GPLD1: variants seen among roughly 807,000 people sequenced by gnomAD.
The protein encoded by GPLD1 is glycosylphosphatidylinositol specific phospholipase D1.
A neutral mutation model predicts 112.6 loss-of-function variants in GPLD1; 84 were observed. That is an observed-to-expected ratio of 0.75 (90% CI 0.63 to 0.89). GPLD1 has a LOEUF of 0.89. Ranked by LOEUF, GPLD1 falls within the 40% of genes least tolerant of loss-of-function variation. The pLI, the probability that GPLD1 is intolerant of heterozygous loss-of-function variation, is 0.00. For missense variants in GPLD1, 1,044 were observed against 1,051.5 expected (o/e 0.99, Z 0.10); for synonymous variants, 386 against 403.8 (o/e 0.96, Z 0.53).
rs1438335145 is a variant in GPLD1, at chr6:24,431,767, T to A, written c.2436+1420A>T. ...CCAGGCTGGTCTTGAACTCCTGACCTCAGGCGATCCACCAACCTCGGCTTC... is the reference window on the plus strand; with the variant it reads ...CCAGGCTGGTCTTGAACTCCTGACCACAGGCGATCCACCAACCTCGGCTTC... On this transcript the variant is annotated intron_variant, in intron 24 of 24. Transcript: ENST00000230036. Among the ~76,000 whole-genome samples the A allele has an allele frequency of 5.3e-5, 8 of 151,598 alleles. No individual in the cohort carries two copies. In the East Asian group the frequency reaches 9.8e-4, roughly 19 times the overall value.
At chr6:24,441,736 G>A (rs934245811) in intron 20 of GPLD1, among the ~76,000 whole-genome samples, 5 of 152,182 alleles carry the variant, frequency 3.3e-5, no homozygotes, top group African/African-American at 7.2e-5. Context: ...ACTGCATTTC[G>A]AAAGGACCTA....
chr6:24,459,255 T>TTTG (rs1763358764), intron 12 of GPLD1, among the ~76,000 whole-genome samples: 1 of 152,054 alleles, frequency 6.6e-6, no homozygotes, highest in African/African-American at 2.4e-5. Context: ...TGCTATTTTT[T>TTTG]TTTTGTTTTG....
chr6:24,445,650 C>T lies in GPLD1; in HGVS notation c.1927-11G>A. ...CAGTTTCCCCATTGCCTGTGAGACA[C>T]AATAAATCAATATTGTATAGGTGAG... On this transcript the variant is annotated splice_polypyrimidine_tract_variant and intron_variant, in intron 19 of 24. Transcript: ENST00000230036. The T allele has an allele frequency of 6.2e-7, 1 of 1,609,238 alleles. No homozygotes were observed. Among genetic ancestry groups the T allele is most frequent in the South Asian group, 1.1e-5 (1 of 90,952 alleles).
chr6:24,466,830 G>C lies in GPLD1; in HGVS notation c.682-11C>G. On this transcript the variant is annotated splice_polypyrimidine_tract_variant and intron_variant, in intron 9 of 24. Coordinates refer to ENST00000230036, the MANE Select transcript of GPLD1 (RefSeq NM_001503.4). The stretch of plus-strand genomic sequence containing the variant: ...GTAAGTGGGATATAACTATGGCAGA[G>C]AGAAAGAAAAAATAAAATGAATATG... The C allele has an allele frequency of 6.3e-7, 1 of 1,592,014 alleles. No homozygotes were observed. The highest frequency in any genetic ancestry group is 8.6e-7 in the Non-Finnish European group (1 of 1,166,004).
chr6:24,462,819 A>T (rs750325829), intron 10 of GPLD1, 24 bp from the exon 11 acceptor site: 1 of 1,546,590 alleles, frequency 6.5e-7, no homozygotes, highest in Non-Finnish European at 8.9e-7. Context: ...CAAATGAGTT[A>T]GCCATTTATC....
chr6:24,429,175 A>G (rs1194484486), intron 24 of GPLD1, 57 bp from the exon 25 acceptor site: 39 of 1,068,680 alleles, frequency 3.6e-5, no homozygotes, highest in Non-Finnish European at 3.0e-5. Context: ...TTGAGTTCCT[A>G]TGGTAGTCCA....
intron 22 of GPLD1, chr6:24,433,686 G>A (rs1263788881): frequency 3.2e-5 from 9 of 283,136 alleles, no homozygotes; most frequent in South Asian, 2.1e-4. Context: ...GTAGAGAGGC[G>A]GTTTCACCAC....
At chr6:24,450,007 C>T (rs1763030916) in intron 14 of GPLD1, 108 bp from the exon 15 acceptor site, 5 of 680,220 alleles carry the variant, frequency 7.4e-6, no homozygotes, top group Non-Finnish European at 1.0e-5. Flanking sequence ...CCCCCCGCCA[C>T]CCAAAAGCCG....
At chr6:24,441,175 G>A (rs901272211) in intron 20 of GPLD1, among the ~76,000 whole-genome samples, 3 of 151,958 alleles carry the variant, frequency 2.0e-5, no homozygotes, top group Admixed American at 6.6e-5. Flanking sequence ...GCATGGTGGT[G>A]CGTGCCTGTA....
chr6:24,474,985 A>T, intron 5 of GPLD1, 136 bp downstream of exon 5: 1 of 545,168 alleles, frequency 1.8e-6, no homozygotes, highest in Non-Finnish European at 3.3e-6. Flanking sequence ...AAAAGATGGG[A>T]CTCTAACCAA....
chr6:24,445,966 C>A, intron 18 of GPLD1, 135 bp from the exon 19 acceptor site: 1 of 657,822 alleles, frequency 1.5e-6, no homozygotes, highest in South Asian at 1.7e-5. Flanking sequence ...GACCCCAGGC[C>A]TGGAAGTGTG....
chr6:24,465,080 A>G (rs1380512045), intron 10 of GPLD1, among the ~76,000 whole-genome samples: 2 of 151,710 alleles, frequency 1.3e-5, no homozygotes, highest in African/African-American at 2.4e-5. Flanking sequence ...ACCTGTAGTC[A>G]TAACTACTCG....
intron 24 of GPLD1, among the ~76,000 whole-genome samples, chr6:24,430,077 T>C (rs1762356369): frequency 6.6e-6 from 1 of 152,248 alleles, no homozygotes. Context: ...GGTTGTATCA[T>C]GGGTCAGACA....
At position 24,433,204 on chromosome 6, in the gene GPLD1, C is replaced by T. The variant is rs201071521; in HGVS notation, c.2419G>A (p.Val807Met). The T allele has an allele frequency of 1.9e-5, 31 of 1,611,204 alleles. No individual in the cohort carries two copies. The East Asian group carries it at 2.5e-4, about 13-fold the overall frequency. ...GGGCTCACCTTTGCCTTGGACCTCA[C>T]GGTGATGAGGGAGCTCCCAAACCTT... ...SSRFGSSLIT[V>M]RSKAKNQVVI... The change falls in exon 24 of 25, where the codon GTG becomes ATG. Residue 807 changes from valine to methionine, a missense_variant. Transcript: ENST00000230036.
intron 20 of GPLD1, among the ~76,000 whole-genome samples, chr6:24,440,540 A>G (rs958998696): frequency 6.8e-6 from 1 of 147,810 alleles, no homozygotes; most frequent in Non-Finnish European, 1.5e-5. Context: ...TGTCAAGAAG[A>G]TCTTTTATAT....
chr6:24,453,410 T>G (rs1581751445), intron 14 of GPLD1, among the ~76,000 whole-genome samples: 1 of 152,048 alleles, frequency 6.6e-6, no homozygotes, highest in South Asian at 2.1e-4. Context: ...CCAAGGTGGG[T>G]GGATCACCTA....
intron 20 of GPLD1, among the ~76,000 whole-genome samples, chr6:24,444,876 T>C (rs1485998991): frequency 6.6e-6 from 1 of 152,054 alleles, no homozygotes; most frequent in East Asian, 1.9e-4. Context: ...TAGGTCCTCA[T>C]AGTGGACCTA....
At chr6:24,432,638 A>G (rs902745187) in intron 24 of GPLD1, among the ~76,000 whole-genome samples, 8 of 152,188 alleles carry the variant, frequency 5.3e-5, no homozygotes, top group Non-Finnish European at 1.0e-4. Flanking sequence ...GAAAGTCTGG[A>G]AGAAAATAGC....
In GPLD1 at chr6:24,486,066, G is replaced by A. The variant is rs777232645; in HGVS notation, c.153+9C>T. The A allele has an allele frequency of 6.5e-7, 1 of 1,543,988 alleles. No homozygotes were observed. Among genetic ancestry groups the A allele is most frequent in the South Asian group, 1.2e-5 (1 of 86,734 alleles). ...GCACAAAGAAGAAAAGAAAAATCAA[G>A]ATTTCTACCTCTCTGTAGTTAACAC... On this transcript the variant is annotated intron_variant, in intron 2 of 24. Transcript: ENST00000230036.
Sources: gnomAD v4.1 joint callset for allele counts (sites outside exome capture counted in the v4.1 genomes callset) on GRCh38, gnomAD v4.1.1 for gene constraint, MANE v1.5 for transcripts, NCBI Gene and HGNC (gene_info 2026-07-23, HGNC 2026-07-21) for gene names.